The following ANKS1B variants were observed in gnomAD, a reference collection of about 807,000 sequenced individuals.
The protein encoded by ANKS1B is ankyrin repeat and sterile alpha motif domain containing 1B.
A neutral mutation model predicts 148.3 loss-of-function variants in ANKS1B; 36 were observed. The observed-to-expected ratio is 0.24, with a 90% CI of 0.19 to 0.32. The LOEUF is 0.32. Ranked by LOEUF, ANKS1B falls within the 10% of genes least tolerant of loss-of-function variation. ANKS1B has a pLI of 1.00. For synonymous variants in ANKS1B, 542 were observed against 560.8 expected (o/e 0.97, Z 0.47); for missense variants, 1,157 against 1,542.6 (o/e 0.75, Z 4.19).
chr12:99,857,926 T>C (rs2089431873), intron 1 of ANKS1B, among the ~76,000 whole-genome samples: 1 of 152,068 alleles, frequency 6.6e-6, no homozygotes, highest in Non-Finnish European at 1.5e-5. Context: ...TCTGAAACCA[T>C]AAAAATTCTA....
rs535729329 is a variant in ANKS1B at position 99,728,282 on chromosome 12, GA to G, written c.1128+44639del. On this transcript the variant is annotated intron_variant, in intron 8 of 26. Coordinates refer to ENST00000683438, the MANE Select transcript of ANKS1B (RefSeq NM_001352186.2). ...ACAAGGAACTTAAACAAATTTACAA[GA>G]AAAAAAAATCCCCATCAAAAAGCGG... is the stretch of plus-strand genomic sequence containing the variant. Among the ~76,000 whole-genome samples, 409 of 150,500 alleles carry G rather than the reference GA, an allele frequency of 2.7e-3. 3 individuals are homozygous for G. The highest frequency in any genetic ancestry group is 0.014 in the Admixed American group (205 of 15,120).
At position 99,399,710 on chromosome 12, in the gene ANKS1B, A is replaced by G. The variant is rs1318838406; in HGVS notation, c.1677T>C (p.Phe559=). The G allele has an allele frequency of 2.5e-6, 4 of 1,613,552 alleles. No individual in the cohort carries two copies. Among genetic ancestry groups the G allele is most frequent in the Non-Finnish European group, 2.5e-6 (3 of 1,179,538 alleles). ...GTGGACTAGCAGGAGGACTGGCAGT[A>G]AAGCTTGTGCACCCTGTAGATGTGT... The part of the protein sequence containing the change: ...EINTSTGCTS[F]TASPPASPPT... Residue 559 remains phenylalanine (F), a synonymous_variant, in exon 12 of 27, where the codon TTT becomes TTC. Coordinates refer to ENST00000683438, the MANE Select transcript of ANKS1B (RefSeq NM_001352186.2).
At chr12:99,918,840 A>C (rs2094255757) in intron 1 of ANKS1B, among the ~76,000 whole-genome samples, 1 of 152,194 alleles carries the variant, frequency 6.6e-6, no homozygotes, top group East Asian at 1.9e-4. Flanking sequence ...TTCATTTAGC[A>C]TGTATCTATA....
chr12:99,480,900 A>G (rs2152933291), intron 10 of ANKS1B, among the ~76,000 whole-genome samples: 1 of 151,934 alleles, frequency 6.6e-6, no homozygotes, highest in South Asian at 2.1e-4. Flanking sequence ...TCCATTTTAT[A>G]GCTGGCAAAA....
intron 25 of ANKS1B, among the ~76,000 whole-genome samples, chr12:98,764,225 A>G (rs546723909): frequency 5.3e-5 from 8 of 151,956 alleles, no homozygotes; most frequent in African/African-American, 1.9e-4. Context: ...GGAACTCTTC[A>G]CTAACTTTTT....
chr12:99,961,740 T>A lies in ANKS1B; in HGVS notation c.134+22364A>T, dbSNP rs961375350. ...GATTAGATTGTGGAGAAAATAGGTA[T>A]CTATCCATCCCAAGAGTCAAGAGTT... On this transcript the variant is annotated intron_variant, in intron 1 of 26. Transcript: ENST00000683438. Among the ~76,000 whole-genome samples the A allele has an allele frequency of 3.9e-5, 6 of 152,204 alleles. No individual in the cohort carries two copies. The South Asian group carries it at 1.0e-3, about 26-fold the overall frequency.
intron 17 of ANKS1B, among the ~76,000 whole-genome samples, chr12:98,857,607 G>A (rs971923458): frequency 2.0e-5 from 3 of 151,888 alleles, no homozygotes; most frequent in Non-Finnish European, 2.9e-5. Context: ...TCATGCTCTC[G>A]GTGTAGTGGG....
chr12:99,638,844 G>A (rs951355313), intron 9 of ANKS1B, among the ~76,000 whole-genome samples: 1 of 152,188 alleles, frequency 6.6e-6, no homozygotes, highest in African/African-American at 2.4e-5. Flanking sequence ...CTCACAACTT[G>A]GCGCCCTGCA....
chr12:99,894,112 T>G (rs182000757), intron 1 of ANKS1B, among the ~76,000 whole-genome samples: 90 of 151,730 alleles, frequency 5.9e-4, no homozygotes, highest in Admixed American at 8.5e-4. Context: ...GAAAGTAAAG[T>G]AAAAAGATTT....
intron 14 of ANKS1B, among the ~76,000 whole-genome samples, chr12:99,197,135 G>A (rs1006420616): frequency 2.0e-5 from 3 of 152,176 alleles, no homozygotes; most frequent in Non-Finnish European, 4.4e-5. Flanking sequence ...GAGAGATATT[G>A]TACTATGATT....
intron 1 of ANKS1B, among the ~76,000 whole-genome samples, chr12:99,973,853 C>T (rs1362648782): frequency 2.0e-5 from 3 of 152,164 alleles, no homozygotes; most frequent in Admixed American, 6.5e-5. Context: ...GTGGAATCGA[C>T]TCCTGGTGAA....
intron 1 of ANKS1B, among the ~76,000 whole-genome samples, 157 bp from the exon 2 acceptor site, chr12:99,825,546 A>G (rs2083075720): frequency 6.6e-6 from 1 of 152,190 alleles, no homozygotes; most frequent in African/African-American, 2.4e-5. Context: ...TCCCCTCAGA[A>G]CATCAACTTC....
chr12:98,754,987 C>T (rs2098196321), intron 25 of ANKS1B, among the ~76,000 whole-genome samples: 2 of 152,142 alleles, frequency 1.3e-5, no homozygotes, highest in African/African-American at 2.4e-5. Context: ...CAGGATTGGA[C>T]ACTGTTACCT....
intron 1 of ANKS1B, among the ~76,000 whole-genome samples, chr12:99,830,119 T>A (rs550649384): frequency 4.3e-4 from 66 of 152,302 alleles, no homozygotes; most frequent in Non-Finnish European, 7.6e-4. Context: ...CAATTATTAA[T>A]GGACACTCTC....
At chr12:98,745,924 G>A in intron 26 of ANKS1B, 75 bp from the exon 27 acceptor site, 2 of 1,501,560 alleles carry the variant, frequency 1.3e-6, no homozygotes, top group Admixed American at 2.2e-5. Context: ...CGCCGCTGGC[G>A]AACCCACGCG....
chr12:99,699,032 C>T (rs1469625806), intron 8 of ANKS1B, among the ~76,000 whole-genome samples: 1 of 152,124 alleles, frequency 6.6e-6, no homozygotes, highest in Non-Finnish European at 1.5e-5. Context: ...AACAGATTTT[C>T]TTATTTTTCA....
At chr12:99,038,691 T>G (rs1444120252) in intron 17 of ANKS1B, among the ~76,000 whole-genome samples, 1 of 152,236 alleles carries the variant, frequency 6.6e-6, no homozygotes, top group South Asian at 2.1e-4. Context: ...TGGCTCATGC[T>G]ACTACAGCCA....
At chr12:99,351,921 T>C (rs1324009119) in intron 12 of ANKS1B, 1 of 152,044 alleles carries the variant, frequency 6.6e-6, no homozygotes, top group South Asian at 2.1e-4. Flanking sequence ...ATGGATGAAG[T>C]CTACTATTTA....
At chr12:99,874,086 G>A (rs1056103752) in intron 1 of ANKS1B, among the ~76,000 whole-genome samples, 2 of 150,020 alleles carry the variant, frequency 1.3e-5, no homozygotes, top group Non-Finnish European at 2.9e-5. Flanking sequence ...AAACAGCTAT[G>A]CTTCAGGAAT....
Sources: allele counts gnomAD v4.1 joint callset (sites outside exome capture counted in the v4.1 genomes callset), GRCh38; gene constraint gnomAD v4.1.1; transcripts MANE v1.5; gene names NCBI Gene and HGNC (gene_info 2026-07-23, HGNC 2026-07-21).